Variants in ZNF236 observed in about 807,000 individuals in gnomAD.
ZNF236 encodes regulated by glucose.
ZNF236 carries 50 observed loss-of-function variants against 191.2 expected under a neutral mutation model. That is an observed-to-expected ratio of 0.26 (90% CI 0.21 to 0.33). ZNF236 has a LOEUF of 0.33. Among genes scored for constraint, ZNF236 ranks in the 10% least tolerant of loss-of-function variants. ZNF236 has a pLI of 1.00. For synonymous variants in ZNF236, 907 were observed against 928.8 expected (o/e 0.98, Z 0.43); for missense variants, 1,754 against 2,374.5 (o/e 0.74, Z 5.43).
chr18:76,880,745 C>T lies in ZNF236; in HGVS notation c.1188+429C>T, dbSNP rs989193521. Reference sequence around the variant, plus strand: ...CGTGGGTGTGTGGGCAGCACCTGCACGTGTGGGAGAGGAGGGGGGCAGGAG... The same window carrying T: ...CGTGGGTGTGTGGGCAGCACCTGCATGTGTGGGAGAGGAGGGGGGCAGGAG... On this transcript the variant is annotated intron_variant, in intron 8 of 30. Transcript: ENST00000320610. This position sits in a 1 kb window ranked among gnomAD's most constrained non-coding sequence, Gnocchi z 5.0. 6.6e-6 allele frequency among the ~76,000 whole-genome samples: 1 copy of T among 152,104 alleles called. No homozygotes were observed. The highest frequency in any genetic ancestry group is 1.5e-5 in the Non-Finnish European group (1 of 68,010).
intron 27 of ZNF236, among the ~76,000 whole-genome samples, chr18:76,953,799 C>T (rs1968462699): frequency 6.6e-6 from 1 of 152,186 alleles, no homozygotes; most frequent in African/African-American, 2.4e-5. Context: ...CCTGCCAGTG[C>T]CGGCCGCTGG....
rs1447561706 is a variant in ZNF236 at position 76,925,580 on chromosome 18, A to T, written c.4027+26A>T. 6.2e-7 allele frequency: 1 copy of T among 1,603,188 alleles called. No homozygotes were observed. Among genetic ancestry groups the T allele is most frequent in the South Asian group, 1.1e-5 (1 of 90,634 alleles). ...GTAAACGCTGAGCCGAGGGAATGAG[A>T]GCAGCACAGTGATTGAACTGTTCTG... On this transcript the variant is annotated intron_variant, in intron 22 of 30. Coordinates refer to ENST00000320610, the MANE Select transcript of ZNF236 (RefSeq NM_001306089.2). This position sits in a 1 kb window ranked among gnomAD's most constrained non-coding sequence, Gnocchi z 5.7.
chr18:76,928,080 C>T lies in ZNF236; in HGVS notation c.4568C>T (p.Pro1523Leu), dbSNP rs1967754724. The stretch of plus-strand genomic sequence containing the variant: ...ACTGCCACGTCTTCCTCGGGGTCTC[C>T]ACAGGAAATTACCCTGACTATCTCC... ...GPTATSSSGS[P>L]QEITLTISEL... The change falls in exon 25 of 31, where the codon CCA (proline) becomes CTA (leucine). Residue 1523 changes from proline to leucine, a missense_variant. Pro to Leu is a moderately conservative substitution (Grantham distance 98). Coordinates refer to ENST00000320610, the MANE Select transcript of ZNF236 (RefSeq NM_001306089.2). 6.2e-7 allele frequency: 1 copy of T among 1,611,308 alleles called. No homozygotes were observed. Among genetic ancestry groups the T allele is most frequent in the African/African-American group, 1.3e-5 (1 of 74,740 alleles).
At chr18:76,947,013 G>A (rs1968279841) in intron 26 of ZNF236, among the ~76,000 whole-genome samples, 4 of 152,208 alleles carry the variant, frequency 2.6e-5, no homozygotes, top group Middle Eastern at 3.4e-3. Flanking sequence ...GTGGAGCCAT[G>A]AGCCATCACT....
chr18:76,864,065 A>G (rs996900876), intron 3 of ZNF236, among the ~76,000 whole-genome samples: 7 of 152,084 alleles, frequency 4.6e-5, no homozygotes, highest in Non-Finnish European at 1.0e-4. Flanking sequence ...AGTGAGAGGG[A>G]TTCTCCCGCA....
chr18:76,868,157 C>T (rs1976467634), intron 3 of ZNF236, among the ~76,000 whole-genome samples: 1 of 152,168 alleles, frequency 6.6e-6, no homozygotes, highest in South Asian at 2.1e-4. Flanking sequence ...TTCAGAGGGT[C>T]CCTGGTTCAC....
chr18:76,896,906 C>T (rs550773362), intron 10 of ZNF236, among the ~76,000 whole-genome samples: 5 of 151,938 alleles, frequency 3.3e-5, no homozygotes, highest in African/African-American at 1.2e-4. Flanking sequence ...CAGTACCCAA[C>T]ACAGTACACA....
chr18:76,871,966 G>A (rs1976595705), intron 5 of ZNF236, 141 bp downstream of exon 5: 1 of 1,070,184 alleles, frequency 9.3e-7, no homozygotes, highest in African/African-American at 1.6e-5. Flanking sequence ...GTTACTCTTT[G>A]TGTGATTTTA....
intron 25 of ZNF236, among the ~76,000 whole-genome samples, chr18:76,933,899 C>A (rs1341347850): frequency 6.6e-6 from 1 of 152,036 alleles, no homozygotes; most frequent in Non-Finnish European, 1.5e-5. Context: ...TCTTAGTGAG[C>A]AATATTTATC....
intron 3 of ZNF236, among the ~76,000 whole-genome samples, chr18:76,855,581 A>G (rs1022990941): frequency 6.6e-6 from 1 of 152,236 alleles, no homozygotes; most frequent in Non-Finnish European, 1.5e-5. Context: ...GCATGGTATT[A>G]TATTGTTTAA....
At chr18:76,904,340 A>G in intron 11 of ZNF236, 40 bp from the exon 12 acceptor site, 2 of 1,569,952 alleles carry the variant, frequency 1.3e-6, no homozygotes, top group Non-Finnish European at 1.7e-6. Flanking sequence ...TATTACTAGC[A>G]TTGACAGTGA....
Position 76,956,063 on chromosome 18 carries a change from G to C in ZNF236, c.4993G>C (p.Asp1665His). The C allele has an allele frequency of 6.2e-7, 1 of 1,608,016 alleles. No homozygotes were observed. The highest frequency in any genetic ancestry group is 1.1e-5 in the South Asian group (1 of 89,972). Residue 1665 changes from aspartate to histidine, a missense_variant, in exon 28 of 31, where the codon GAC becomes CAC. By Grantham distance (81) the Asp-to-His change is moderately conservative (BLOSUM62 -1). Coordinates refer to ENST00000320610, the MANE Select transcript of ZNF236 (RefSeq NM_001306089.2). ...CCGGGCGCACCAGTGCCTGGAGTGTGACCGCGCCTTCTCATCGGCGGCGGT... is the reference window on the plus strand; with the variant it reads ...CCGGGCGCACCAGTGCCTGGAGTGTCACCGCGCCTTCTCATCGGCGGCGGT... ...EGRAHQCLECDRAFSSAAVLM... is the reference protein window; with the variant it reads ...EGRAHQCLECHRAFSSAAVLM...
intron 3 of ZNF236, among the ~76,000 whole-genome samples, chr18:76,864,334 G>A (rs886554666): frequency 1.3e-5 from 2 of 151,896 alleles, no homozygotes; most frequent in African/African-American, 4.8e-5. Context: ...AGAGTAGCTG[G>A]GATTACAGGC....
intron 1 of ZNF236, among the ~76,000 whole-genome samples, chr18:76,844,001 C>T (rs1041326534): frequency 1.1e-4 from 17 of 151,632 alleles, no homozygotes; most frequent in Non-Finnish European, 2.2e-4. Flanking sequence ...GCCTGTAATC[C>T]CAGCACTTTG....
At chr18:76,874,896 C>T (rs938425047) in intron 5 of ZNF236, among the ~76,000 whole-genome samples, 1 of 152,214 alleles carries the variant, frequency 6.6e-6, no homozygotes, top group Non-Finnish European at 1.5e-5. Flanking sequence ...GGCGCCTCCT[C>T]TACTGAGTAT....
At chr18:76,890,896 G>A (rs1977209154) in intron 9 of ZNF236, among the ~76,000 whole-genome samples, 1 of 151,908 alleles carries the variant, frequency 6.6e-6, no homozygotes, top group Non-Finnish European at 1.5e-5. Context: ...CAAGACCCCC[G>A]ACTTCCTCAG....
chr18:76,868,758 G>A lies in ZNF236; in HGVS notation c.437G>A (p.Arg146His), dbSNP rs1157810078. 3 of 1,613,910 alleles carry A rather than the reference G, an allele frequency of 1.9e-6. No individual in the cohort carries two copies. The highest frequency in any genetic ancestry group is 1.7e-6 in the Non-Finnish European group (2 of 1,179,910). ...SQLAVHMEEHRQELAGTRQHA... is the reference protein window; with the variant it reads ...SQLAVHMEEHHQELAGTRQHA... Reference sequence around the variant, plus strand: ...CTGGCCGTGCACATGGAGGAGCACCGCCAGGAGCTGGCTGGAACCCGGCAG... The same window carrying A: ...CTGGCCGTGCACATGGAGGAGCACCACCAGGAGCTGGCTGGAACCCGGCAG... The change falls in exon 4 of 31, where the codon CGC becomes CAC. Residue 146 changes from arginine to histidine, a missense_variant. Coordinates refer to ENST00000320610, the MANE Select transcript of ZNF236 (RefSeq NM_001306089.2).
At chr18:76,871,308 A>G (rs1168791648) in intron 4 of ZNF236, among the ~76,000 whole-genome samples, 2 of 152,064 alleles carry the variant, frequency 1.3e-5, no homozygotes, top group Non-Finnish European at 2.9e-5. Context: ...AGGAGTTTGG[A>G]CATCATTGGT....
At chr18:76,930,706 G>A (rs751813414) in intron 25 of ZNF236, among the ~76,000 whole-genome samples, 8 of 152,078 alleles carry the variant, frequency 5.3e-5, no homozygotes, top group South Asian at 4.1e-4. Flanking sequence ...TTCTGTTATC[G>A]CCTGGTGATG....
Sources: allele counts gnomAD v4.1 joint callset (sites outside exome capture counted in the v4.1 genomes callset), GRCh38; gene constraint gnomAD v4.1.1; non-coding constraint Gnocchi (gnomAD v3.1); transcripts MANE v1.5; gene names NCBI Gene and HGNC (gene_info 2026-07-23, HGNC 2026-07-21).